GALNT9: variants seen among roughly 807,000 people sequenced by gnomAD.
GALNT9 encodes GalNAc transferase 9.
GALNT9 carries 47 observed loss-of-function variants against 63.1 expected under a neutral mutation model. The ratio of observed to expected loss-of-function variants is 0.75; its 90% CI spans 0.59 to 0.95. The LOEUF (loss-of-function observed/expected upper bound fraction) is 0.95, where lower values mean the gene tolerates loss of function less well. GALNT9 is among the 40% of genes least tolerant of loss of function. The pLI is 0.00. For missense variants in GALNT9, 829 were observed against 874.8 expected, an observed-to-expected ratio of 0.95 and a Z score of 0.66; for synonymous variants, 396 against 365.7, an observed-to-expected ratio of 1.08 and a Z score of -0.94.
chr12:132,239,128 ATG>A (rs2136896471), intron 6 of GALNT9, among the ~76,000 whole-genome samples: 1 of 135,028 alleles, frequency 7.4e-6, no homozygotes, highest in African/African-American at 2.7e-5. Context: ...TTTTATCTTC[ATG>A]TGGGGGTGGG....
At chr12:132,248,131 T>A in intron 5 of GALNT9, 104 bp from the exon 6 acceptor site, 1 of 1,437,546 alleles carries the variant, frequency 7.0e-7, no homozygotes, top group Non-Finnish European at 9.2e-7. Flanking sequence ...CACCCCTCCC[T>A]CCTGTGCCTC....
chr12:132,304,615 G>A (rs186960207), intron 1 of GALNT9, among the ~76,000 whole-genome samples: 9 of 27,128 alleles, frequency 3.3e-4, no homozygotes, highest in Non-Finnish European at 4.3e-4. Flanking sequence ...AGCCTCACCC[G>A]GGCACAGCCT....
chr12:132,257,644 C>T (rs753911852), intron 5 of GALNT9, 45 bp downstream of exon 5: 17 of 1,465,426 alleles, frequency 1.2e-5, no homozygotes, highest in East Asian at 9.9e-5. Context: ...CTGCTCCGCT[C>T]CTTGCCGGGC....
At chr12:132,207,105 A>G (rs1292750570) in intron 6 of GALNT9, among the ~76,000 whole-genome samples, 10 of 152,180 alleles carry the variant, frequency 6.6e-5, no homozygotes, top group African/African-American at 2.2e-4. Flanking sequence ...GTCACCATCA[A>G]GTCTTCAGGG....
At chr12:132,197,988 T>A in intron 9 of GALNT9, 29 bp from the exon 10 acceptor site, 1 of 1,577,142 alleles carries the variant, frequency 6.3e-7, no homozygotes. Flanking sequence ...GGACTGTGTG[T>A]GAGCAGCGCC....
intron 6 of GALNT9, chr12:132,240,751 T>C: frequency 2.2e-6 from 1 of 455,658 alleles, no homozygotes; most frequent in South Asian, 1.5e-5. Flanking sequence ...CAGAACCTGA[T>C]CACCAGCAGA....
At chr12:132,224,690 CCA>C (rs1301462563) in intron 6 of GALNT9, among the ~76,000 whole-genome samples, 67,225 of 122,054 alleles carry the variant, frequency 0.55, 19,053 homozygotes, top group East Asian at 0.68. Flanking sequence ...ACTACACACC[CCA>C]CACACTGTGC....
intron 2 of GALNT9, chr12:132,283,757 C>CA (rs375713340): frequency 1.3e-5 from 2 of 152,350 alleles, no homozygotes; most frequent in African/African-American, 4.8e-5. Flanking sequence ...GGACCCCCCC[C>CA]CAGGAGGGGA....
rs28646051 is a variant in GALNT9 at position 132,260,023 on chromosome 12, C to G, written c.761+925G>C. ...GGGAACACACCCTGAGCATTGTGGGCGCGGGGCCTGCCTGGGTGCAGGGAA... is the reference window on the plus strand; with the variant it reads ...GGGAACACACCCTGAGCATTGTGGGGGCGGGGCCTGCCTGGGTGCAGGGAA... On this transcript the variant is annotated intron_variant, in intron 4 of 10. Transcript: ENST00000328957. Among the ~76,000 whole-genome samples the G allele has an allele frequency of 1.4e-4, 2 of 14,688 alleles. 1 individual carries two copies. Among genetic ancestry groups the G allele is most frequent in the African/African-American group, 3.0e-4 (2 of 6,662 alleles). The allele number at this position is 14,688 out of a possible 152,430, so 9.6% of individuals were successfully genotyped here.
intron 5 of GALNT9, among the ~76,000 whole-genome samples, chr12:132,250,130 C>T (rs2135536200): frequency 6.6e-6 from 1 of 152,340 alleles, no homozygotes; most frequent in South Asian, 2.1e-4. Flanking sequence ...GAGGCTGACA[C>T]AGCCTGCGAC....
intron 2 of GALNT9, among the ~76,000 whole-genome samples, chr12:132,264,620 T>A (rs1051580494): frequency 2.6e-5 from 4 of 152,146 alleles, no homozygotes; most frequent in Non-Finnish European, 4.4e-5. Flanking sequence ...GGGGTTTGAG[T>A]CCAGGGCAGC....
intron 1 of GALNT9, among the ~76,000 whole-genome samples, chr12:132,287,465 C>T (rs1383579342): frequency 3.9e-5 from 6 of 152,178 alleles, no homozygotes; most frequent in East Asian, 1.9e-4. Flanking sequence ...CATCCACATG[C>T]GTGCTGCTAC....
rs1389970251 is a variant in GALNT9 at position 132,286,958 on chromosome 12, C to A, written c.239-528G>T. ...ACCTCAAGCGATCCACCTACCTAGGCCTCCCAAAGTGCTGGGATTACAGGC... is the reference window on the plus strand; with the variant it reads ...ACCTCAAGCGATCCACCTACCTAGGACTCCCAAAGTGCTGGGATTACAGGC... On this transcript the variant is annotated intron_variant, in intron 1 of 10. Coordinates refer to ENST00000328957, the MANE Select transcript of GALNT9 (RefSeq NM_001122636.2). This position sits in a 1 kb window ranked among gnomAD's most constrained non-coding sequence, Gnocchi z 7.4. 1.3e-5 allele frequency among the ~76,000 whole-genome samples: 2 copies of A among 152,050 alleles called. No individual in the cohort carries two copies. Among genetic ancestry groups the A allele is most frequent in the Non-Finnish European group, 2.9e-5 (2 of 68,012 alleles).
At position 132,258,387 on chromosome 12, in the gene GALNT9, G is replaced by A. The variant is rs927196809; in HGVS notation, c.762-501C>T. ...ATGAACTAAGGAATAAAAACAATCCGTGCCACGGGGAGCTCGCACGGTGTG... is the reference window on the plus strand; with the variant it reads ...ATGAACTAAGGAATAAAAACAATCCATGCCACGGGGAGCTCGCACGGTGTG... On this transcript the variant is annotated intron_variant, in intron 4 of 10. Transcript: ENST00000328957. 2.0e-5 allele frequency among the ~76,000 whole-genome samples: 3 copies of A among 152,222 alleles called. 1 individual carries two copies. The highest frequency in any genetic ancestry group is 2.0e-4 in the Admixed American group (3 of 15,284).
Position 132,208,062 on chromosome 12 carries a change from C to T in GALNT9, c.1078-4372G>A, listed in dbSNP as rs571275065. Among the ~76,000 whole-genome samples, 3 of 152,352 alleles carry T rather than the reference C, an allele frequency of 2.0e-5. No individual in the cohort carries two copies. The East Asian group carries it at 5.8e-4, about 29-fold the overall frequency. Reference sequence around the variant, plus strand: ...AGTATATCATCTGCCTTGTGCCGCGCTCCCCGGGAGATTGATGCTTATGCA... The same window carrying T: ...AGTATATCATCTGCCTTGTGCCGCGTTCCCCGGGAGATTGATGCTTATGCA... On this transcript the variant is annotated intron_variant, in intron 6 of 10. Transcript: ENST00000328957.
intron 1 of GALNT9, among the ~76,000 whole-genome samples, chr12:132,306,860 G>A (rs929124982): frequency 3.9e-5 from 6 of 152,328 alleles, no homozygotes; most frequent in Admixed American, 1.3e-4. Flanking sequence ...TTACGGAATC[G>A]TCATTTGAAG....
At chr12:132,212,175 C>T (rs1010199140) in intron 6 of GALNT9, among the ~76,000 whole-genome samples, 14 of 148,588 alleles carry the variant, frequency 9.4e-5, no homozygotes, top group Non-Finnish European at 6.0e-5. Context: ...GGAAACCCCA[C>T]CCGGGTCTGC....
chr12:132,198,350 G>A (rs1165320815), intron 9 of GALNT9, among the ~76,000 whole-genome samples: 1 of 152,264 alleles, frequency 6.6e-6, no homozygotes, highest in East Asian at 1.9e-4. Flanking sequence ...GGTTAGAAAC[G>A]TCCAGCTCCT....
rs1566026951 is a variant in GALNT9, at chr12:132,329,002, C to T, written c.202G>A (p.Asp68Asn). Residue 68 changes from aspartate (D) to asparagine (N), a missense_variant, in exon 1 of 11, where the codon GAC becomes AAC. Asp to Asn is a conservative substitution (Grantham distance 23, BLOSUM62 1). Coordinates refer to ENST00000328957, the MANE Select transcript of GALNT9 (RefSeq NM_001122636.2). ...GDREAILQRLDHLEEVVYNQL... is the reference protein window; with the variant it reads ...GDREAILQRLNHLEEVVYNQL... ...TTGTAGACCACCTCCTCCAGGTGGT[C>T]CAGGCGCTGCAGGATGGCCTCACGG... 2 of 1,542,062 alleles carry T rather than the reference C, an allele frequency of 1.3e-6. No homozygotes were observed. Among genetic ancestry groups the T allele is most frequent in the Admixed American group, 3.9e-5 (2 of 50,840 alleles).
Sources: gnomAD v4.1 joint callset for allele counts (sites outside exome capture counted in the v4.1 genomes callset) on GRCh38, gnomAD v4.1.1 for gene constraint, Gnocchi (gnomAD v3.1) non-coding constraint, MANE v1.5 for transcripts, NCBI Gene and HGNC (gene_info 2026-07-23, HGNC 2026-07-21) for gene names.